Variants in TSEN54 observed in about 807,000 individuals in gnomAD.
The protein encoded by TSEN54 is tRNA splicing endonuclease subunit 54, also known as tRNA-splicing endonuclease subunit Sen54.
A neutral mutation model predicts 61.9 loss-of-function variants in TSEN54; 55 were observed. That is an observed-to-expected ratio of 0.89 (90% CI 0.72 to 1.11). The LOEUF is 1.11. TSEN54 is among the 50% of genes most tolerant of loss of function. The pLI, the probability that TSEN54 is intolerant of heterozygous loss-of-function variation, is 0.00. For missense variants in TSEN54, 760 were observed against 687.7 expected (o/e 1.11, Z -1.18); for synonymous variants, 304 against 288.7 (o/e 1.05, Z -0.54).
Position 75,523,986 on chromosome 17 carries a change from C to T in TSEN54, c.1430+207C>T, listed in dbSNP as rs538736341. ...CTCGTTGCTGGCATTTTAGGGTAGTCTTTCTCCAATGCCATTTTAGTCTAG... is the reference window on the plus strand; with the variant it reads ...CTCGTTGCTGGCATTTTAGGGTAGTTTTTCTCCAATGCCATTTTAGTCTAG... On this transcript the variant is annotated intron_variant, in intron 10 of 10. Transcript: ENST00000333213. Among the ~76,000 whole-genome samples, 25 of 152,306 alleles carry T rather than the reference C, an allele frequency of 1.6e-4. 1 individual carries two copies. The South Asian group carries it at 3.9e-3, about 24-fold the overall frequency.
At chr17:75,519,798 C>G (rs1328758231) in intron 6 of TSEN54, among the ~76,000 whole-genome samples, 7 of 152,148 alleles carry the variant, frequency 4.6e-5, no homozygotes, top group Admixed American at 3.3e-4. Flanking sequence ...GTCTCGAACT[C>G]CTGACCTCAA....
chr17:75,523,836 CA>C, intron 10 of TSEN54, 57 bp downstream of exon 10: 1 of 1,571,284 alleles, frequency 6.4e-7, no homozygotes, highest in Non-Finnish European at 8.7e-7. Context: ...TCCTGTGAAC[CA>C]AGTGGGACTC....
At chr17:75,518,240 G>A (rs1207071105) in intron 5 of TSEN54, among the ~76,000 whole-genome samples, 2 of 152,192 alleles carry the variant, frequency 1.3e-5, no homozygotes, top group African/African-American at 4.8e-5. Flanking sequence ...TGGAGTGTGA[G>A]GAGAGGTCAA....
intron 5 of TSEN54, chr17:75,518,517 G>A (rs1381302122): frequency 1.0e-6 from 1 of 985,132 alleles, no homozygotes; most frequent in East Asian, 1.1e-4. Flanking sequence ...CAGGATGGGG[G>A]ACATTCTTAT....
intron 3 of TSEN54, 41 bp downstream of exon 3, chr17:75,517,113 C>A (rs771881715): frequency 1.5e-4 from 239 of 1,560,348 alleles, no homozygotes; most frequent in Non-Finnish European, 1.8e-4. Context: ...CCCTCCCTGC[C>A]CTCCCTGCCC....
At position 75,517,039 on chromosome 17, in the gene TSEN54, A is replaced by G. The variant is rs1598473763; in HGVS notation, c.252A>G (p.Pro84=). Residue 84 remains proline (P), a synonymous_variant, in exon 3 of 11, where the codon CCA becomes CCG. Transcript: ENST00000333213. Reference sequence around the variant, plus strand: ...GCTTGGTGGCTGCCGAGTGGAGGCCAGAAGAGGGCTTCGTGGAGTTGAAGT... The same window carrying G: ...GCTTGGTGGCTGCCGAGTGGAGGCCGGAAGAGGGCTTCGTGGAGTTGAAGT... ...LGSLVAAEWR[P]EEGFVELKSP... is the part of the protein sequence containing the mutation. The G allele has an allele frequency of 1.3e-6, 2 of 1,596,024 alleles. No homozygotes were observed. Among genetic ancestry groups the G allele is most frequent in the African/African-American group, 2.7e-5 (2 of 74,792 alleles).
intron 8 of TSEN54, chr17:75,522,786 C>T (rs1267278782): frequency 2.2e-5 from 6 of 273,910 alleles, no homozygotes; most frequent in Middle Eastern, 1.3e-3. Flanking sequence ...TTGTAGGTAA[C>T]TAGATAGGGT....
Position 75,519,000 on chromosome 17 carries a change from C to T in TSEN54, c.474C>T (p.Phe158=), listed in dbSNP as rs773559646. Reference sequence around the variant, plus strand: ...TTTTTTTTTTTTCTTTTGAGGTCTTCAGCCACCTGAAGAGGTTGGGTTATG... The same window carrying T: ...TTTTTTTTTTTTCTTTTGAGGTCTTTAGCCACCTGAAGAGGTTGGGTTATG... ...HTVTFLQYQV[F]SHLKRLGYVV... Residue 158 remains phenylalanine (F), a synonymous_variant, in exon 6 of 11, where the codon TTC becomes TTT. Transcript: ENST00000333213. 2.5e-6 allele frequency: 4 copies of T among 1,613,442 alleles called. No homozygotes were observed. The South Asian group carries it at 3.3e-5, about 13-fold the overall frequency.
chr17:75,517,328 C>T (rs544547050), intron 4 of TSEN54, 84 bp downstream of exon 4: 2 of 1,479,664 alleles, frequency 1.4e-6, no homozygotes, highest in East Asian at 2.4e-5. Context: ...GCACACACAA[C>T]CCGGTCTTTA....
chr17:75,523,034 C>T, intron 8 of TSEN54: 1 of 500,140 alleles, frequency 2.0e-6, no homozygotes, highest in South Asian at 2.0e-5. Context: ...CAAAAATTAG[C>T]CGGGTGTGGT....
chr17:75,517,329 C>T (rs1249590424), intron 4 of TSEN54, 85 bp downstream of exon 4: 2 of 1,477,140 alleles, frequency 1.4e-6, no homozygotes, highest in Non-Finnish European at 1.8e-6. Flanking sequence ...CACACACAAC[C>T]CGGTCTTTAG....
Position 75,516,860 on chromosome 17 carries a change from G to T in TSEN54, c.171G>T (p.Arg57=), listed in dbSNP as rs772359868. 2 of 1,570,292 alleles carry T rather than the reference G, an allele frequency of 1.3e-6. No homozygotes were observed. The highest frequency in any genetic ancestry group is 1.4e-5 in the African/African-American group (1 of 73,972). The part of the protein sequence containing the change: ...GSAAQAERLR[R]CREELWQLLA... Reference sequence around the variant, plus strand: ...CAGCTCAGGCCGAGCGGCTGCGCCGGTGCCGGGAAGAGCTCTGGCAGCTGC... The same window carrying T: ...CAGCTCAGGCCGAGCGGCTGCGCCGTTGCCGGGAAGAGCTCTGGCAGCTGC... The change falls in exon 2 of 11, where the codon CGG becomes CGT. Residue 57 remains arginine (R), a synonymous_variant. Coordinates refer to ENST00000333213, the MANE Select transcript of TSEN54 (RefSeq NM_207346.3).
chr17:75,520,557 G>A (rs113095920), intron 6 of TSEN54, among the ~76,000 whole-genome samples: 14,192 of 144,476 alleles, frequency 0.098, 947 homozygotes, highest in African/African-American at 0.18. Flanking sequence ...GTGCACTCCA[G>A]CCTGGGCGAA....
chr17:75,521,978 G>A lies in TSEN54; in HGVS notation c.897G>A (p.Glu299=), dbSNP rs201091416. ...TGAGKRRWNF[E]QISFPNMASD... is the part of the protein sequence containing the mutation. ...CCGGTAAGCGGCGCTGGAACTTCGA[G>A]CAGATCTCCTTCCCCAACATGGCTT... The change falls in exon 8 of 11, where the codon GAG becomes GAA. Residue 299 remains glutamate, a synonymous_variant. Transcript: ENST00000333213. 5 of 1,607,708 alleles carry A rather than the reference G, an allele frequency of 3.1e-6. No homozygotes were observed. In the East Asian group the frequency reaches 1.1e-4, roughly 36 times the overall value.
At chr17:75,521,325 C>T (rs761302887) in intron 6 of TSEN54, 84 bp from the exon 7 acceptor site, 24 of 1,173,134 alleles carry the variant, frequency 2.0e-5, no homozygotes, top group Non-Finnish European at 2.9e-5. Context: ...TGACTGTCCT[C>T]TTGGCCCGTT....
chr17:75,523,787 G>GT lies in TSEN54; in HGVS notation c.1430+9dup. 1 of 1,613,140 alleles carries GT rather than the reference G, an allele frequency of 6.2e-7. No homozygotes were observed. Among genetic ancestry groups the GT allele is most frequent in the Non-Finnish European group, 8.5e-7 (1 of 1,179,578 alleles). On this transcript the variant is annotated intron_variant, in intron 10 of 10. Coordinates refer to ENST00000333213, the MANE Select transcript of TSEN54 (RefSeq NM_207346.3). ...CCGGATGTGCATTAGTGGGTACGCA[G>GT]TGAGCCAGCACTGCCCCTCCCCCAG...
At chr17:75,520,415 CAA>C (rs917844314) in intron 6 of TSEN54, among the ~76,000 whole-genome samples, 17 of 91,748 alleles carry the variant, frequency 1.9e-4, no homozygotes, top group Admixed American at 3.5e-4. Context: ...ACTAAAATAC[CAA>C]AAAAAAAAAA....
Position 75,521,855 on chromosome 17 carries a change from T to G in TSEN54, c.774T>G (p.Phe258Leu). The change falls in exon 8 of 11, where the codon TTT (phenylalanine) becomes TTG (leucine). Residue 258 changes from phenylalanine (F) to leucine (L), a missense_variant. Physicochemically the swap from Phe to Leu is conservative, Grantham distance 22. Transcript: ENST00000333213. Reference protein sequence around the residue: ...SSPMKGPGGPFQLLGSLGPSP... With the variant: ...SSPMKGPGGPLQLLGSLGPSP... Reference sequence around the variant, plus strand: ...CCATGAAGGGCCCAGGGGGCCCCTTTCAGCTTCTGGGGTCCCTGGGCCCCA... The same window carrying G: ...CCATGAAGGGCCCAGGGGGCCCCTTGCAGCTTCTGGGGTCCCTGGGCCCCA... The G allele has an allele frequency of 6.2e-7, 1 of 1,611,922 alleles. No individual in the cohort carries two copies. Among genetic ancestry groups the G allele is most frequent in the Non-Finnish European group, 8.5e-7 (1 of 1,179,518 alleles).
chr17:75,521,944 TCACGGGAGC>T lies in TSEN54; in HGVS notation c.865_873del (p.Thr289_Ala291del). Reference sequence around the variant, plus strand: ...GAGAGTGGCAGAGCCGAGAACGGAGTCACGGGAGCCGGTAAGCGGCGCTGGAACTTCGAG... The same window carrying T: ...GAGAGTGGCAGAGCCGAGAACGGAGTCGGTAAGCGGCGCTGGAACTTCGAG... On this transcript the variant is annotated inframe_deletion, in exon 8 of 11. Transcript: ENST00000333213. The T allele has an allele frequency of 1.2e-6, 2 of 1,608,990 alleles. No homozygotes were observed. Among genetic ancestry groups the T allele is most frequent in the Non-Finnish European group, 1.7e-6 (2 of 1,178,844 alleles).
Sources: gnomAD v4.1 joint callset for allele counts (sites outside exome capture counted in the v4.1 genomes callset) on GRCh38, gnomAD v4.1.1 for gene constraint, MANE v1.5 for transcripts, NCBI Gene and HGNC (gene_info 2026-07-23, HGNC 2026-07-21) for gene names.